MCM9: variants seen among roughly 807,000 people sequenced by gnomAD.
MCM9 encodes minichromosome maintenance 9 homologous recombination repair factor.
MCM9 carries 55 observed loss-of-function variants against 72.8 expected under a neutral mutation model. That is an observed-to-expected ratio of 0.76 (90% CI 0.61 to 0.95). MCM9 has a LOEUF of 0.95. MCM9 is among the 40% of genes least tolerant of loss of function. The pLI is 0.00. For missense variants in MCM9, 1,279 were observed against 1,377.0 expected (o/e 0.93, Z 1.13); for synonymous variants, 480 against 503.4 (o/e 0.95, Z 0.62).
intron 8 of MCM9, among the ~76,000 whole-genome samples, chr6:118,862,185 T>C (rs1390721522): frequency 6.6e-6 from 1 of 152,202 alleles, no homozygotes. Context: ...GGGGGCTTCC[T>C]GGGCCCCCAA....
chr6:118,884,828 G>A (rs1778498861), intron 8 of MCM9, among the ~76,000 whole-genome samples: 1 of 152,016 alleles, frequency 6.6e-6, no homozygotes, highest in Non-Finnish European at 1.5e-5. Context: ...AATTAAAATG[G>A]GCATTTTAAA....
intron 13 of MCM9, among the ~76,000 whole-genome samples, chr6:118,822,950 A>G (rs955630288): frequency 2.9e-4 from 44 of 151,872 alleles, no homozygotes; most frequent in Non-Finnish European, 7.4e-5. Flanking sequence ...GTAACGGGGG[A>G]CACTCCTCCC....
intron 9 of MCM9, among the ~76,000 whole-genome samples, chr6:118,853,609 G>A (rs1207401843): frequency 6.6e-6 from 1 of 152,062 alleles, no homozygotes; most frequent in Non-Finnish European, 1.5e-5. Flanking sequence ...AGACCAGCCT[G>A]GGCAACATAG....
chr6:118,815,569 G>T lies in MCM9; in HGVS notation c.2687C>A (p.Pro896Gln). 1 of 1,550,312 alleles carries T rather than the reference G, an allele frequency of 6.5e-7. No individual in the cohort carries two copies. Among genetic ancestry groups the T allele is most frequent in the South Asian group, 1.2e-5 (1 of 84,020 alleles). The change falls in exon 14 of 14, where the codon CCG becomes CAG. Residue 896 changes from proline (P) to glutamine (Q), a missense_variant. Pro to Gln is a moderately conservative substitution (Grantham distance 76). Coordinates refer to ENST00000619706, the MANE Select transcript of MCM9 (RefSeq NM_017696.3). ...RMLDSPKRKR[P>Q]KSLAQVEEPA... ...CTCTTCCACTTGCGCAAGGGATTTC[G>T]GTCTCTTTCTTTTGGGTGAGTCCAG...
intron 13 of MCM9, among the ~76,000 whole-genome samples, chr6:118,816,630 A>C (rs1562396296): frequency 6.6e-6 from 1 of 152,198 alleles, no homozygotes; most frequent in East Asian, 1.9e-4. Flanking sequence ...CCTCAGCTTT[A>C]TCTCTCATGT....
intron 8 of MCM9, chr6:118,908,339 G>A (rs1780310854): frequency 1.3e-5 from 2 of 152,084 alleles, no homozygotes; most frequent in African/African-American, 4.8e-5. Context: ...GTGAATTCAA[G>A]ACCAAATACA....
At chr6:118,837,666 A>G (rs1025833747) in intron 9 of MCM9, among the ~76,000 whole-genome samples, 3 of 151,536 alleles carry the variant, frequency 2.0e-5, no homozygotes, top group African/African-American at 7.3e-5. Context: ...TTAAAGTCAG[A>G]GACTAGGATT....
chr6:118,820,028 A>C (rs904339743), intron 13 of MCM9, among the ~76,000 whole-genome samples: 1 of 151,724 alleles, frequency 6.6e-6, no homozygotes, highest in African/African-American at 2.4e-5. Flanking sequence ...CTTCATTAGT[A>C]TGGCTAGCGG....
At chr6:118,916,463 A>ATTATTATT (rs1554261921) in intron 6 of MCM9, among the ~76,000 whole-genome samples, 1 of 147,362 alleles carries the variant, frequency 6.8e-6, no homozygotes, top group Non-Finnish European at 1.5e-5. Flanking sequence ...TATTATTATT[A>ATTATTATT]TTATTATTAT....
intron 8 of MCM9, among the ~76,000 whole-genome samples, chr6:118,859,922 G>A (rs145944736): frequency 0.079 from 11,987 of 152,228 alleles, 742 homozygotes; most frequent in East Asian, 0.19. Context: ...TGAGAAGCAC[G>A]TGTGAAGTTC....
intron 5 of MCM9, chr6:118,918,256 T>G (rs1562437593): frequency 6.5e-6 from 1 of 154,830 alleles, no homozygotes; most frequent in Non-Finnish European, 1.4e-5. Context: ...TTAACTCATT[T>G]GCTAATATTT....
intron 3 of MCM9, among the ~76,000 whole-genome samples, chr6:118,930,346 TTG>T (rs1782309271): frequency 6.6e-6 from 1 of 152,114 alleles, no homozygotes; most frequent in Non-Finnish European, 1.5e-5. Flanking sequence ...TTTCCTGACC[TTG>T]CGATCTGCCC....
chr6:118,839,446 TC>T (rs2114606947), intron 9 of MCM9, among the ~76,000 whole-genome samples: 1 of 152,260 alleles, frequency 6.6e-6, no homozygotes, highest in African/African-American at 2.4e-5. Context: ...AAACTCATTC[TC>T]CATCCAGTTT....
intron 9 of MCM9, among the ~76,000 whole-genome samples, chr6:118,845,630 A>T (rs1775809478): frequency 6.6e-6 from 1 of 151,796 alleles, no homozygotes; most frequent in African/African-American, 2.4e-5. Context: ...CAGGATGTTC[A>T]ATGTTTTGTA....
At chr6:118,887,752 C>T (rs1230119952) in intron 8 of MCM9, among the ~76,000 whole-genome samples, 1 of 151,756 alleles carries the variant, frequency 6.6e-6, no homozygotes, top group African/African-American at 2.4e-5. Flanking sequence ...GTATGTAGAA[C>T]ACATAAGGAA....
intron 8 of MCM9, among the ~76,000 whole-genome samples, chr6:118,898,721 CTA>C (rs1278977033): frequency 6.6e-6 from 1 of 152,194 alleles, no homozygotes; most frequent in Non-Finnish European, 1.5e-5. Context: ...CCCAGCCACT[CTA>C]TGTGATAATT....
At chr6:118,930,171 C>T (rs1042958830) in intron 3 of MCM9, among the ~76,000 whole-genome samples, 27 of 152,126 alleles carry the variant, frequency 1.8e-4, no homozygotes, top group South Asian at 8.3e-4. Context: ...AGTGCAATGG[C>T]GCGATCTCGG....
intron 8 of MCM9, among the ~76,000 whole-genome samples, chr6:118,872,125 G>A (rs750837073): frequency 4.6e-4 from 70 of 152,140 alleles, no homozygotes; most frequent in Non-Finnish European, 9.1e-4. Flanking sequence ...AGACCATCCT[G>A]GCTAACACGG....
chr6:118,839,391 G>C (rs1775197226), intron 9 of MCM9, among the ~76,000 whole-genome samples: 1 of 152,010 alleles, frequency 6.6e-6, no homozygotes. Flanking sequence ...GCTCAGAGGA[G>C]TTTGTTATTT....
Sources: allele counts gnomAD v4.1 joint callset (sites outside exome capture counted in the v4.1 genomes callset), GRCh38; gene constraint gnomAD v4.1.1; transcripts MANE v1.5; gene names NCBI Gene and HGNC (gene_info 2026-07-23, HGNC 2026-07-21).